Variants in PLD1 observed in about 807,000 individuals in gnomAD.
PLD1 encodes the protein phospholipase D1, also known as choline phosphatase 1.
Under a neutral mutation model 137.1 loss-of-function variants are expected in PLD1, and 112 were observed. The ratio of observed to expected loss-of-function variants is 0.82; its 90% CI spans 0.70 to 0.96. PLD1 has a LOEUF of 0.96. PLD1 is among the 40% of genes least tolerant of loss of function. The probability of loss-of-function intolerance (pLI) is 0.00; values close to 1 mark genes in which losing one functional copy is unlikely to be tolerated. For missense variants in PLD1, 1,321 were observed against 1,342.0 expected (o/e 0.98, Z 0.24); for synonymous variants, 431 against 454.7 (o/e 0.95, Z 0.66).
intron 24 of PLD1, among the ~76,000 whole-genome samples, chr3:171,616,587 A>G (rs1239624176): frequency 6.6e-6 from 1 of 152,220 alleles, no homozygotes; most frequent in East Asian, 1.9e-4. Context: ...AGACTGAGTT[A>G]TGATTACAGA....
chr3:171,755,198 C>T lies in PLD1; in HGVS notation c.-31-17116G>A, dbSNP rs989637806. On this transcript the variant is annotated intron_variant, in intron 1 of 26. Coordinates refer to ENST00000351298, the MANE Select transcript of PLD1 (RefSeq NM_002662.5). Reference sequence around the variant, plus strand: ...ATAGACTGGTATTTATGGGGCTTTCCAGCTATGTCTCTCACCCCCTTTTCA... The same window carrying T: ...ATAGACTGGTATTTATGGGGCTTTCTAGCTATGTCTCTCACCCCCTTTTCA... Among the ~76,000 whole-genome samples the T allele has an allele frequency of 2.6e-5, 4 of 152,028 alleles. No individual in the cohort carries two copies. The South Asian group carries it at 8.3e-4, about 32-fold the overall frequency.
At chr3:171,703,132 T>G (rs1716384194) in intron 11 of PLD1, among the ~76,000 whole-genome samples, 1 of 152,102 alleles carries the variant, frequency 6.6e-6, no homozygotes, top group African/African-American at 2.4e-5. Flanking sequence ...GAAGAAATGA[T>G]GAAATTCAAT....
chr3:171,642,141 TA>T (rs1271543309), intron 23 of PLD1, among the ~76,000 whole-genome samples: 2 of 152,012 alleles, frequency 1.3e-5, no homozygotes, highest in African/African-American at 4.8e-5. Context: ...AGCCAAGAAC[TA>T]GGTAGAAGAA....
Position 171,674,610 on chromosome 3 carries a change from TA to T in PLD1, c.2118del (p.Met707Ter). Reference sequence around the variant, plus strand: ...GAAAGGGACCGATATTTTGATTTCATAATCTAAAATAAAGAAAAAGGATAAA... The same window carrying T: ...GAAAGGGACCGATATTTTGATTTCATATCTAAAATAAAGAAAAAGGATAAA... ...HFIQRWNFTK[I>X]MKSKYRSLSY... On this transcript the variant is annotated frameshift_variant and splice_region_variant, in exon 19 of 27. Transcript: ENST00000351298. LOFTEE classifies it high-confidence loss of function. 1 of 1,452,696 alleles carries T rather than the reference TA, an allele frequency of 6.9e-7. No individual in the cohort carries two copies. Among genetic ancestry groups the T allele is most frequent in the Non-Finnish European group, 9.6e-7 (1 of 1,038,354 alleles). The allele number at this position is 1,452,696 out of a possible 1,614,324, so 90.0% of individuals were successfully genotyped here. A position where few individuals can be genotyped will look rare whatever the true frequency, so the allele number is the denominator to read the frequency against.
At chr3:171,754,324 T>G (rs906359716) in intron 1 of PLD1, among the ~76,000 whole-genome samples, 3 of 152,200 alleles carry the variant, frequency 2.0e-5, no homozygotes, top group African/African-American at 7.2e-5. Context: ...GCTTTCTGGG[T>G]TACAAAGCAT....
chr3:171,661,231 G>A (rs1737638952), intron 20 of PLD1, among the ~76,000 whole-genome samples: 1 of 152,094 alleles, frequency 6.6e-6, no homozygotes, highest in South Asian at 2.1e-4. Flanking sequence ...TTGTTGCTGT[G>A]CAGAGCGGGA....
At position 171,602,940 on chromosome 3, in the gene PLD1, T is replaced by A. The variant is rs1467508911; in HGVS notation, c.*138A>T. The stretch of plus-strand genomic sequence containing the variant: ...CCTTACATCAATGTGACTGCAGCCC[T>A]CCCCAGTCATTCCAAAAGGTCCTTG... On this transcript the variant is annotated 3_prime_UTR_variant, in exon 27 of 27. Transcript: ENST00000351298. 10 of 632,402 alleles carry A rather than the reference T, an allele frequency of 1.6e-5. No individual in the cohort carries two copies. The highest frequency in any genetic ancestry group is 1.3e-4 in the African/African-American group (7 of 54,788). The allele number at this position is 632,402 out of a possible 1,614,324, so 39.2% of individuals were successfully genotyped here. A position where few individuals can be genotyped will look rare whatever the true frequency, so the allele number is the denominator to read the frequency against.
At chr3:171,715,896 T>A (rs1214452733) in intron 8 of PLD1, among the ~76,000 whole-genome samples, 1 of 151,724 alleles carries the variant, frequency 6.6e-6, no homozygotes, top group Non-Finnish European at 1.5e-5. Flanking sequence ...GACAGGCATT[T>A]TTTTCTGATC....
chr3:171,776,775 A>G (rs1021766094), intron 1 of PLD1, among the ~76,000 whole-genome samples: 6 of 152,234 alleles, frequency 3.9e-5, no homozygotes, highest in African/African-American at 1.4e-4. Context: ...CTTAATTACT[A>G]CAAATTGCTC....
At chr3:171,705,515 C>T (rs889169355) in intron 11 of PLD1, among the ~76,000 whole-genome samples, 3 of 152,098 alleles carry the variant, frequency 2.0e-5, no homozygotes, top group African/African-American at 7.2e-5. Flanking sequence ...ACAAATACCT[C>T]CTACAACTAA....
At chr3:171,728,184 C>T (rs560319775) in intron 6 of PLD1, among the ~76,000 whole-genome samples, 2 of 152,242 alleles carry the variant, frequency 1.3e-5, no homozygotes, top group East Asian at 1.9e-4. Flanking sequence ...GTGGTGCATG[C>T]CCGTAATCCC....
chr3:171,784,698 C>A (rs1384101388), intron 1 of PLD1, among the ~76,000 whole-genome samples: 1 of 152,192 alleles, frequency 6.6e-6, no homozygotes, highest in East Asian at 1.9e-4. Flanking sequence ...CAAGCTCCAG[C>A]TCAAACACAG....
At chr3:171,792,643 CT>C (rs1333384437) in intron 1 of PLD1, 1 of 456,716 alleles carries the variant, frequency 2.2e-6, no homozygotes, top group South Asian at 1.5e-5. Context: ...AGAGGATTGT[CT>C]TTCCCCCTGC....
intron 21 of PLD1, 122 bp downstream of exon 21, chr3:171,659,091 C>T: frequency 1.4e-6 from 1 of 705,780 alleles, no homozygotes; most frequent in Non-Finnish European, 2.5e-6. Context: ...TAACCTATTG[C>T]TGGCTGAACC....
chr3:171,638,797 G>A (rs1185250308), intron 23 of PLD1, among the ~76,000 whole-genome samples: 1 of 152,098 alleles, frequency 6.6e-6, no homozygotes. Context: ...GTCTGTGAGG[G>A]GTTTTCTGGA....
chr3:171,764,096 C>T (rs541220121), intron 1 of PLD1, among the ~76,000 whole-genome samples: 36 of 152,200 alleles, frequency 2.4e-4, no homozygotes, highest in African/African-American at 8.7e-4. Flanking sequence ...CTCAGCCTCC[C>T]AAATACCTGG....
intron 1 of PLD1, among the ~76,000 whole-genome samples, chr3:171,797,144 A>G (rs1463602911): frequency 6.6e-6 from 1 of 151,450 alleles, no homozygotes; most frequent in Non-Finnish European, 1.5e-5. Flanking sequence ...TACATTCTGC[A>G]CTCTCCCTCC....
intron 23 of PLD1, among the ~76,000 whole-genome samples, chr3:171,640,507 AT>A (rs1434835593): frequency 6.6e-6 from 1 of 152,112 alleles, no homozygotes; most frequent in Non-Finnish European, 1.5e-5. Flanking sequence ...ATTTCATTCC[AT>A]TGTGGTCAGA....
intron 1 of PLD1, among the ~76,000 whole-genome samples, chr3:171,806,106 A>G (rs1342119463): frequency 6.6e-6 from 1 of 152,280 alleles, no homozygotes; most frequent in Non-Finnish European, 1.5e-5. Flanking sequence ...GGTTAAATGT[A>G]TTCATGTTTG....
Sources: allele counts gnomAD v4.1 joint callset (sites outside exome capture counted in the v4.1 genomes callset), GRCh38; gene constraint gnomAD v4.1.1; transcripts MANE v1.5; gene names NCBI Gene and HGNC (gene_info 2026-07-23, HGNC 2026-07-21).